MDGA2: variants seen among roughly 807,000 people sequenced by gnomAD.
MDGA2 encodes MAM domain-containing glycosylphosphatidylinositol anchor protein 2.
MDGA2 carries 40 observed loss-of-function variants against 117.8 expected under a neutral mutation model. That is an observed-to-expected ratio of 0.34 (90% CI 0.26 to 0.44). The LOEUF (loss-of-function observed/expected upper bound fraction) is 0.44, where lower values mean the gene tolerates loss of function less well. Ranked by LOEUF, MDGA2 falls within the 20% of genes least tolerant of loss-of-function variation. The probability of loss-of-function intolerance (pLI) is 1.00; values close to 1 mark genes in which losing one functional copy is unlikely to be tolerated. For missense variants in MDGA2, 1,123 were observed against 1,250.6 expected (o/e 0.90, Z 1.54); for synonymous variants, 452 against 439.0 (o/e 1.03, Z -0.37).
At chr14:47,611,084 A>C (rs1896839123) in intron 1 of MDGA2, among the ~76,000 whole-genome samples, 1 of 150,978 alleles carries the variant, frequency 6.6e-6, no homozygotes, top group Non-Finnish European at 1.5e-5. Flanking sequence ...ATCTTTGACA[A>C]AGCAAAAAAA....
chr14:47,347,940 C>G (rs1890794733), intron 1 of MDGA2, among the ~76,000 whole-genome samples: 1 of 151,930 alleles, frequency 6.6e-6, no homozygotes, highest in Non-Finnish European at 1.5e-5. Flanking sequence ...AAAGGTCAAG[C>G]AAAATCAGAA....
chr14:47,590,701 C>G (rs11157565), intron 1 of MDGA2, among the ~76,000 whole-genome samples: 113,057 of 151,842 alleles, frequency 0.74, 42,536 homozygotes, highest in East Asian at 1. Flanking sequence ...AAATGCTTGA[C>G]ATGATGGCTG....
At chr14:46,951,190 C>T (rs1252625256) in intron 9 of MDGA2, among the ~76,000 whole-genome samples, 9 of 151,852 alleles carry the variant, frequency 5.9e-5, no homozygotes. Context: ...CTTTGTAAAA[C>T]CCTATTTGGC....
At chr14:47,588,932 C>CAT (rs1896384495) in intron 1 of MDGA2, among the ~76,000 whole-genome samples, 1 of 151,934 alleles carries the variant, frequency 6.6e-6, no homozygotes, top group East Asian at 1.9e-4. Context: ...CTAGAGGCTG[C>CAT]ATGTATTGGC....
intron 9 of MDGA2, among the ~76,000 whole-genome samples, chr14:46,921,336 G>A (rs115755421): frequency 0.012 from 1,806 of 151,428 alleles, 37 homozygotes; most frequent in African/African-American, 0.041. Context: ...TGTAGGGCTC[G>A]TGCCTATAAT....
chr14:47,449,648 CT>C (rs1369979827), intron 1 of MDGA2, among the ~76,000 whole-genome samples: 1 of 151,984 alleles, frequency 6.6e-6, no homozygotes, highest in African/African-American at 2.4e-5. Context: ...CATTTTGTAA[CT>C]AACTAGATAG....
chr14:47,096,484 T>G (rs534133117), intron 6 of MDGA2, among the ~76,000 whole-genome samples: 1 of 151,852 alleles, frequency 6.6e-6, no homozygotes, highest in East Asian at 1.9e-4. Flanking sequence ...TTTATTAAAT[T>G]GATAAATTTA....
chr14:47,475,049 C>T (rs1457419572), intron 1 of MDGA2, among the ~76,000 whole-genome samples: 1 of 152,076 alleles, frequency 6.6e-6, no homozygotes, highest in African/African-American at 2.4e-5. Flanking sequence ...AACAGATGAC[C>T]TACAGAATGG....
chr14:47,321,377 C>G (rs34762381), intron 1 of MDGA2, among the ~76,000 whole-genome samples: 2 of 152,064 alleles, frequency 1.3e-5, no homozygotes, highest in Non-Finnish European at 2.9e-5. Context: ...AAAAATAGTT[C>G]CTGCAGATTT....
At chr14:47,554,016 G>C (rs1463520102) in intron 1 of MDGA2, among the ~76,000 whole-genome samples, 1 of 151,944 alleles carries the variant, frequency 6.6e-6, no homozygotes, top group African/African-American at 2.4e-5. Flanking sequence ...TCCACCCCCC[G>C]TTATCATTTA....
At chr14:46,873,976 T>C (rs1323088045) in intron 13 of MDGA2, 69 bp downstream of exon 13, 5 of 1,163,104 alleles carry the variant, frequency 4.3e-6, no homozygotes, top group South Asian at 1.6e-5. Context: ...TAAATATTAG[T>C]ATTTCATATT....
chr14:47,492,264 T>G (rs915592639), intron 1 of MDGA2, among the ~76,000 whole-genome samples: 1 of 152,152 alleles, frequency 6.6e-6, no homozygotes, highest in African/African-American at 2.4e-5. Flanking sequence ...CCATGGTTTT[T>G]GGTGTCAACA....
intron 8 of MDGA2, among the ~76,000 whole-genome samples, chr14:47,028,668 T>C (rs1230008895): frequency 6.6e-6 from 1 of 151,968 alleles, no homozygotes; most frequent in Non-Finnish European, 1.5e-5. Context: ...GGCAAAAAGA[T>C]TGGAAGAATT....
intron 1 of MDGA2, among the ~76,000 whole-genome samples, chr14:47,528,853 AATCT>A (rs1453306298): frequency 6.6e-6 from 1 of 152,158 alleles, no homozygotes; most frequent in African/African-American, 2.4e-5. Flanking sequence ...CTTGTAAAAC[AATCT>A]ATCTACTACA....
intron 5 of MDGA2, among the ~76,000 whole-genome samples, chr14:47,130,997 C>T (rs192305905): frequency 6.6e-6 from 1 of 151,890 alleles, no homozygotes; most frequent in Admixed American, 6.6e-5. Flanking sequence ...TGCACATGTA[C>T]CCTAGAACTT....
At chr14:47,105,039 G>A (rs1880569995) in intron 5 of MDGA2, among the ~76,000 whole-genome samples, 1 of 152,146 alleles carries the variant, frequency 6.6e-6, no homozygotes, top group Admixed American at 6.5e-5. Flanking sequence ...TTCCCTTGGT[G>A]TTTAATCATT....
Position 47,542,778 on chromosome 14 carries a change from G to C in MDGA2, c.280+131739C>G, listed in dbSNP as rs79341481. On this transcript the variant is annotated intron_variant, in intron 1 of 16. Coordinates refer to ENST00000399232, the MANE Select transcript of MDGA2 (RefSeq NM_001113498.3). ...AATTCTAAGGTGCTATTATAAAAAT[G>C]CTACTTTATATACATTTTAGTATTG... Among the ~76,000 whole-genome samples, 697 of 152,246 alleles carry C rather than the reference G, an allele frequency of 4.6e-3. 4 individuals carry two copies. The highest frequency in any genetic ancestry group is 0.016 in the African/African-American group (648 of 41,536).
At chr14:47,153,076 AC>A (rs1407084987) in intron 3 of MDGA2, among the ~76,000 whole-genome samples, 10 of 152,216 alleles carry the variant, frequency 6.6e-5, no homozygotes, top group Non-Finnish European at 1.3e-4. Flanking sequence ...TGTTTGAGAA[AC>A]AAAAATGGAC....
chr14:47,161,119 T>C lies in MDGA2; in HGVS notation c.596-16845A>G, dbSNP rs1033735397. ...ATTTGCATTTTTAAAAATTTCTAGC[T>C]GTATTTGCTTGCTGTTATGCTATTT... On this transcript the variant is annotated intron_variant, in intron 3 of 16. Coordinates refer to ENST00000399232, the MANE Select transcript of MDGA2 (RefSeq NM_001113498.3). 9.8e-5 allele frequency among the ~76,000 whole-genome samples: 15 copies of C among 152,286 alleles called. No individual in the cohort carries two copies. The East Asian group carries it at 2.1e-3, about 22-fold the overall frequency.
Sources: gnomAD v4.1 joint callset for allele counts (sites outside exome capture counted in the v4.1 genomes callset) on GRCh38, gnomAD v4.1.1 for gene constraint, MANE v1.5 for transcripts, NCBI Gene and HGNC (gene_info 2026-07-23, HGNC 2026-07-21) for gene names.